The following AK9 variants were observed in gnomAD, a reference collection of about 807,000 sequenced individuals.
AK9 encodes adenylate kinase 9.
A neutral mutation model predicts 239.6 loss-of-function variants in AK9; 191 were observed. That is an observed-to-expected ratio of 0.80 (90% CI 0.71 to 0.90). AK9 has a LOEUF of 0.90. AK9 is among the 40% of genes least tolerant of loss of function. The pLI is 0.00. For synonymous variants in AK9, 689 were observed against 721.0 expected, an observed-to-expected ratio of 0.96 and a Z score of 0.71; for missense variants, 1,995 against 2,214.7, an observed-to-expected ratio of 0.90 and a Z score of 1.99.
At chr6:109,561,842 G>A (rs1399094553) in intron 24 of AK9, among the ~76,000 whole-genome samples, 1 of 151,890 alleles carries the variant, frequency 6.6e-6, no homozygotes, top group Non-Finnish European at 1.5e-5. Flanking sequence ...TATTTATTGG[G>A]CATATTGAAT....
intron 6 of AK9, among the ~76,000 whole-genome samples, chr6:109,660,444 T>G (rs1002875572): frequency 3.9e-5 from 6 of 152,180 alleles, no homozygotes; most frequent in African/African-American, 1.4e-4. Flanking sequence ...TACCACACAT[T>G]GAGAAACAAA....
chr6:109,667,287 C>T (rs1287890548), intron 5 of AK9, among the ~76,000 whole-genome samples: 2 of 131,048 alleles, frequency 1.5e-5, no homozygotes, highest in East Asian at 5.1e-4. Context: ...CTCACCCAGC[C>T]CCCCACTCAA....
In AK9 at chr6:109,545,026, T is replaced by C. The variant is rs568247899; in HGVS notation, c.3225+841A>G. 1.1e-3 allele frequency among the ~76,000 whole-genome samples: 172 copies of C among 152,364 alleles called. 1 individual carries two copies. The highest frequency in any genetic ancestry group is 3.9e-3 in the African/African-American group (162 of 41,590). The stretch of plus-strand genomic sequence containing the variant: ...AGAGCTGGAAGATTTGTATTTAGCA[T>C]ATGATGAATATGACTCTTTAAATGA... On this transcript the variant is annotated intron_variant, in intron 26 of 40. Transcript: ENST00000424296.
intron 29 of AK9, among the ~76,000 whole-genome samples, chr6:109,523,344 C>A (rs1312840442): frequency 1.3e-5 from 2 of 151,886 alleles, no homozygotes; most frequent in Admixed American, 6.6e-5. Flanking sequence ...CCTGACATCA[C>A]GCATCTCTTA....
At chr6:109,636,783 C>CACACACACACAT (rs1554278039) in intron 10 of AK9, among the ~76,000 whole-genome samples, 1 of 145,004 alleles carries the variant, frequency 6.9e-6, no homozygotes, top group Non-Finnish European at 1.5e-5. Flanking sequence ...CACACACACA[C>CACACACACACAT]CACATTTTAT....
chr6:109,534,233 G>GA lies in AK9; in HGVS notation c.3351-764dup, dbSNP rs1181662173. Among the ~76,000 whole-genome samples the GA allele has an allele frequency of 6.3e-5, 9 of 142,572 alleles. No homozygotes were observed. In the East Asian group the frequency reaches 1.4e-3, roughly 23 times the overall value. The allele number at this position is 142,572 out of a possible 152,430, so 93.5% of individuals were successfully genotyped here. ...GAAACTCCTTCTCAAAAAAAAAAAA[G>GA]AAAAAAAAAGAATCAGGATAATAAC... On this transcript the variant is annotated intron_variant, in intron 27 of 40. Transcript: ENST00000424296.
At chr6:109,650,220 C>A (rs1045594028) in intron 8 of AK9, among the ~76,000 whole-genome samples, 1 of 151,544 alleles carries the variant, frequency 6.6e-6, no homozygotes, top group East Asian at 2.0e-4. Flanking sequence ...GCAACAAAAG[C>A]CAAAATTGAC....
In AK9 at chr6:109,509,197, C is replaced by T. The variant is rs1347567440; in HGVS notation, c.4463G>A (p.Ser1488Asn). The T allele has an allele frequency of 6.4e-7, 1 of 1,552,128 alleles. No individual in the cohort carries two copies. Among genetic ancestry groups the T allele is most frequent in the African/African-American group, 1.4e-5 (1 of 73,052 alleles). ...CACTTACCCTGCAGTATTGCACACACTTTCCATCAGAGAAAGTTCTAAGGC... is the reference window on the plus strand; with the variant it reads ...CACTTACCCTGCAGTATTGCACACATTTTCCATCAGAGAAAGTTCTAAGGC... Reference protein sequence around the residue: ...IQALELSLMESVCNTAGVVID... With the variant: ...IQALELSLMENVCNTAGVVID... Residue 1488 changes from serine to asparagine, a missense_variant, in exon 33 of 41, where the codon AGT becomes AAT. This residue lies in a region of AK9 where 45 missense variants were observed against 80.5 expected (regional missense o/e 0.56). Transcript: ENST00000424296.
rs760668991 is a variant in AK9, at chr6:109,546,141, T to TGG, written c.2965-16_2965-15dup. ...TAATGGAGGAGCCTGTCACAGGGGG[T>TGG]GGGTCAGGGAGGGGTGGGATAAAGG... On this transcript the variant is annotated splice_polypyrimidine_tract_variant and intron_variant, in intron 25 of 40. Coordinates refer to ENST00000424296, the MANE Select transcript of AK9 (RefSeq NM_001145128.3). 1 of 579,194 alleles carries TGG rather than the reference T, an allele frequency of 1.7e-6. No homozygotes were observed. The highest frequency in any genetic ancestry group is 2.2e-5 in the African/African-American group (1 of 44,958). The allele number at this position is 579,194 out of a possible 1,614,324, so 35.9% of individuals were successfully genotyped here.
chr6:109,504,275 G>A lies in AK9; in HGVS notation c.4849+2052C>T, dbSNP rs757128139. ...GCTACTGGAGAGGCTGAGGCAGGAG[G>A]ATCCTTTGAGACTAGGAGTTCAAAG... On this transcript the variant is annotated intron_variant, in intron 35 of 40. Coordinates refer to ENST00000424296, the MANE Select transcript of AK9 (RefSeq NM_001145128.3). Among the ~76,000 whole-genome samples, 137 of 151,682 alleles carry A rather than the reference G, an allele frequency of 9.0e-4. 2 individuals are homozygous for A. The highest frequency in any genetic ancestry group is 1.5e-4 in the Non-Finnish European group (10 of 67,888).
intron 28 of AK9, among the ~76,000 whole-genome samples, chr6:109,530,580 C>T (rs1445940067): frequency 6.6e-6 from 1 of 152,180 alleles, no homozygotes; most frequent in East Asian, 1.9e-4. Context: ...CACAATAGCA[C>T]TCATACACAT....
At chr6:109,512,284 C>T (rs1438465772) in intron 32 of AK9, among the ~76,000 whole-genome samples, 1 of 152,168 alleles carries the variant, frequency 6.6e-6, no homozygotes, top group Admixed American at 6.5e-5. Context: ...AGGAAGTTAC[C>T]CTATGTGGTC....
intron 40 of AK9, 113 bp downstream of exon 40, chr6:109,493,868 T>C: frequency 1.3e-6 from 1 of 784,226 alleles, no homozygotes; most frequent in Non-Finnish European, 2.0e-6. Flanking sequence ...CTACTAACAC[T>C]CTCTCTTTCT....
intron 8 of AK9, among the ~76,000 whole-genome samples, chr6:109,649,471 A>C (rs1460506849): frequency 1.3e-5 from 2 of 152,084 alleles, no homozygotes; most frequent in East Asian, 3.9e-4. Flanking sequence ...TCATGAGTGA[A>C]CTCCCATTCA....
At chr6:109,626,600 A>T (rs1024869537) in intron 12 of AK9, among the ~76,000 whole-genome samples, 1 of 152,204 alleles carries the variant, frequency 6.6e-6, no homozygotes, top group African/African-American at 2.4e-5. Flanking sequence ...GGTACAGCTT[A>T]CTAAACACCT....
At chr6:109,619,534 A>T (rs182357062) in intron 12 of AK9, among the ~76,000 whole-genome samples, 33 of 152,260 alleles carry the variant, frequency 2.2e-4, no homozygotes, top group African/African-American at 5.1e-4. Context: ...ACATATATAT[A>T]TTTTAAATCC....
rs540331741 is a variant in AK9 at position 109,603,377 on chromosome 6, C to T, written c.1842+6988G>A. 2.6e-5 allele frequency among the ~76,000 whole-genome samples: 4 copies of T among 152,296 alleles called. No individual in the cohort carries two copies. The South Asian group carries it at 6.2e-4, about 24-fold the overall frequency. The stretch of plus-strand genomic sequence containing the variant: ...GCCTAGGTATCAGCAGCGGAGGCTG[C>T]AGTACAGCGAATATTGCTGAACGGG... On this transcript the variant is annotated intron_variant, in intron 17 of 40. Transcript: ENST00000424296.
At chr6:109,586,272 TGGGCGAA>T (rs1193929700) in intron 17 of AK9, among the ~76,000 whole-genome samples, 200 bp from the exon 18 acceptor site, 1 of 152,124 alleles carries the variant, frequency 6.6e-6, no homozygotes, top group Non-Finnish European at 1.5e-5. Flanking sequence ...GAATGGAGGC[TGGGCGAA>T]GTGGTGCATG....
intron 9 of AK9, 61 bp downstream of exon 9, chr6:109,644,553 T>C (rs1467955660): frequency 2.2e-6 from 3 of 1,392,718 alleles, no homozygotes; most frequent in Non-Finnish European, 3.0e-6. Context: ...AGAAGTACAA[T>C]ACTGTCAATA....
Sources: allele counts gnomAD v4.1 joint callset (sites outside exome capture counted in the v4.1 genomes callset), GRCh38; gene constraint gnomAD v4.1.1; regional missense constraint gnomAD v4.1.1; transcripts MANE v1.5; gene names NCBI Gene and HGNC (gene_info 2026-07-23, HGNC 2026-07-21).